The following WDR41 variants were observed in gnomAD, a reference collection of about 807,000 sequenced individuals.
The protein encoded by WDR41 is WD repeat-containing protein 41.
A neutral mutation model predicts 69.3 loss-of-function variants in WDR41; 63 were observed. The ratio of observed to expected loss-of-function variants is 0.91; its 90% CI spans 0.74 to 1.12. The LOEUF is 1.12. Ranked by LOEUF, WDR41 falls within the 50% of genes most tolerant of loss-of-function variation. WDR41 has a pLI of 0.00. For missense variants in WDR41, 543 were observed against 534.5 expected, an observed-to-expected ratio of 1.02 and a Z score of -0.16; for synonymous variants, 185 against 192.1, an observed-to-expected ratio of 0.96 and a Z score of 0.31.
At chr5:77,554,380 A>G (rs529194914) in intron 1 of WDR41, among the ~76,000 whole-genome samples, 5 of 152,144 alleles carry the variant, frequency 3.3e-5, no homozygotes, top group Admixed American at 3.3e-4. Context: ...AGAAAGTGGG[A>G]CCTTTGGGAG....
At chr5:77,465,379 G>A (rs958796233) in intron 2 of WDR41, among the ~76,000 whole-genome samples, 1 of 151,940 alleles carries the variant, frequency 6.6e-6, no homozygotes, top group African/African-American at 2.4e-5. Context: ...CTTGTCTTAT[G>A]GCATGAAAAA....
chr5:77,596,954 CA>C (rs967258312), intron 1 of WDR41, among the ~76,000 whole-genome samples: 3 of 150,996 alleles, frequency 2.0e-5, no homozygotes, highest in African/African-American at 7.3e-5. Context: ...CCCATTTCTA[CA>C]AAAAAAATAC....
chr5:77,588,386 A>AT (rs1462298509), intron 1 of WDR41, among the ~76,000 whole-genome samples: 6 of 152,246 alleles, frequency 3.9e-5, no homozygotes, highest in African/African-American at 1.4e-4. Context: ...CTCCTGTGTG[A>AT]TTTTTTACAA....
At chr5:77,436,084 C>A (rs1649283622) in intron 12 of WDR41, among the ~76,000 whole-genome samples, 177 bp downstream of exon 12, 1 of 150,294 alleles carries the variant, frequency 6.7e-6, no homozygotes, top group Admixed American at 6.6e-5. Context: ...AATCATATAT[C>A]CGGAAAGGGA....
chr5:77,538,549 T>C (rs1306201845), intron 1 of WDR41, among the ~76,000 whole-genome samples: 2 of 152,196 alleles, frequency 1.3e-5, no homozygotes, highest in African/African-American at 2.4e-5. Context: ...AGTGAGAACA[T>C]GTGGTATTTG....
intron 2 of WDR41, among the ~76,000 whole-genome samples, chr5:77,484,201 T>C (rs894909566): frequency 1.3e-5 from 2 of 152,176 alleles, no homozygotes; most frequent in African/African-American, 4.8e-5. Flanking sequence ...CCCTGCAACA[T>C]CTTATCCAAC....
chr5:77,603,361 A>G (rs1357683698), intron 1 of WDR41, among the ~76,000 whole-genome samples: 5 of 152,078 alleles, frequency 3.3e-5, no homozygotes, highest in Admixed American at 6.5e-5. Context: ...CATTTGTATG[A>G]CTTCTTTTGA....
chr5:77,522,617 C>G (rs1189371662), intron 1 of WDR41, among the ~76,000 whole-genome samples: 3 of 151,502 alleles, frequency 2.0e-5, no homozygotes, highest in African/African-American at 7.3e-5. Flanking sequence ...TCTAGCCTGG[C>G]AACAGAGCGA....
intron 8 of WDR41, among the ~76,000 whole-genome samples, chr5:77,445,241 C>A (rs1338093891): frequency 6.6e-6 from 1 of 152,134 alleles, no homozygotes; most frequent in Non-Finnish European, 1.5e-5. Context: ...GAAGTCGAAT[C>A]CCTGAATAGA....
intron 1 of WDR41, among the ~76,000 whole-genome samples, chr5:77,521,408 C>A (rs377098681): frequency 3.9e-5 from 6 of 152,228 alleles, no homozygotes; most frequent in Non-Finnish European, 8.8e-5. Flanking sequence ...AGCAGGGTAC[C>A]GGTACCGGTC....
At chr5:77,592,694 G>GA (rs1744154729) in intron 1 of WDR41, among the ~76,000 whole-genome samples, 1 of 152,128 alleles carries the variant, frequency 6.6e-6, no homozygotes, top group Non-Finnish European at 1.5e-5. Context: ...AGTGTAGTTG[G>GA]AATAACACCA....
intron 1 of WDR41, among the ~76,000 whole-genome samples, chr5:77,575,187 T>TA (rs1364746255): frequency 6.6e-5 from 10 of 152,210 alleles, no homozygotes; most frequent in Admixed American, 6.5e-4. Flanking sequence ...CTTCCATCAT[T>TA]ATACCACTCT....
rs1383852258 is a variant in WDR41, at chr5:77,606,748, A to ATCT, written c.42+13730_42+13731insAGA. ...AGACCAGGAGTTTGAGGCTGCACCA[A>ATCT]GCCATGATTGTGCCACTGCATTCCA... is the stretch of plus-strand genomic sequence containing the variant. On this transcript the variant is annotated intron_variant, in intron 1 of 5. Coordinates refer to the WDR41 transcript ENST00000509971. Among the ~76,000 whole-genome samples, 108 of 152,174 alleles carry ATCT rather than the reference A, an allele frequency of 7.1e-4. No individual in the cohort carries two copies. The East Asian group carries it at 0.017, about 23-fold the overall frequency.
intron 1 of WDR41, among the ~76,000 whole-genome samples, chr5:77,508,737 TTTG>T (rs762247883): frequency 5.3e-5 from 8 of 152,190 alleles, no homozygotes; most frequent in African/African-American, 1.9e-4. Context: ...GGAGCTTGTT[TTTG>T]TTGTTGTTTG....
intron 1 of WDR41, among the ~76,000 whole-genome samples, chr5:77,558,117 C>A (rs3933771): frequency 0.43 from 51,282 of 118,426 alleles, 9,516 homozygotes; most frequent in Non-Finnish European, 0.45. Context: ...AAAAAAAAAA[C>A]AAAACAGGAG....
At chr5:77,455,327 A>C (rs1799783474) in intron 5 of WDR41, among the ~76,000 whole-genome samples, 1 of 151,768 alleles carries the variant, frequency 6.6e-6, no homozygotes, top group Non-Finnish European at 1.5e-5. Context: ...TTTTAATTGG[A>C]GTATTTGCTT....
intron 1 of WDR41, among the ~76,000 whole-genome samples, chr5:77,504,122 ACT>A (rs1412075333): frequency 6.6e-6 from 1 of 151,624 alleles, no homozygotes; most frequent in Non-Finnish European, 1.5e-5. Context: ...AAATTGATAG[ACT>A]GCTAGCAAGA....
chr5:77,595,723 CA>C (rs1338093149), intron 1 of WDR41, among the ~76,000 whole-genome samples: 1 of 152,056 alleles, frequency 6.6e-6, no homozygotes, highest in Non-Finnish European at 1.5e-5. Context: ...ACAAATTAAC[CA>C]GGGTGAGACT....
chr5:77,551,804 C>G (rs1743301071), intron 1 of WDR41, among the ~76,000 whole-genome samples: 1 of 150,460 alleles, frequency 6.6e-6, no homozygotes, highest in Non-Finnish European at 1.5e-5. Flanking sequence ...ATGGTGAAAC[C>G]CCTTCTCTAC....
Sources: allele counts gnomAD v4.1 joint callset (sites outside exome capture counted in the v4.1 genomes callset), GRCh38; gene constraint gnomAD v4.1.1; transcripts MANE v1.5; gene names NCBI Gene and HGNC (gene_info 2026-07-23, HGNC 2026-07-21).